TENM4: variants seen among roughly 807,000 people sequenced by gnomAD.
TENM4 encodes teneurin-4.
TENM4 carries 82 observed loss-of-function variants against 243.3 expected under a neutral mutation model. The ratio of observed to expected loss-of-function variants is 0.34; its 90% CI spans 0.28 to 0.40. The LOEUF (loss-of-function observed/expected upper bound fraction) is 0.40. Among genes scored for constraint, TENM4 ranks in the 10% least tolerant of loss-of-function variants. The pLI is 1.00. For synonymous variants in TENM4, 1,412 were observed against 1,456.3 expected (o/e 0.97, Z 0.69); for missense variants, 3,138 against 3,673.3 (o/e 0.85, Z 3.77).
At position 79,139,691 on chromosome 11, in the gene TENM4, A is replaced by T. The variant is rs190592421; in HGVS notation, c.-66+9019T>A. 5.1e-4 allele frequency among the ~76,000 whole-genome samples: 35 copies of T among 68,928 alleles called. 3 individuals are homozygous for T. The highest frequency in any genetic ancestry group is 1.2e-3 in the African/African-American group (18 of 14,644). 45.2% of individuals were successfully genotyped at this position (68,928 alleles called of 152,430 possible). On this transcript the variant is annotated intron_variant, in intron 4 of 33. Coordinates refer to ENST00000278550, the MANE Select transcript of TENM4 (RefSeq NM_001098816.3). ...ATATATATTTTATATAAGTATATAA[A>T]ATATATATAATATTTATATAAGTAT...
chr11:78,698,664 T>C (rs908375070), intron 28 of TENM4, among the ~76,000 whole-genome samples: 2 of 152,188 alleles, frequency 1.3e-5, no homozygotes, highest in African/African-American at 4.8e-5. Flanking sequence ...GACAGCCTCA[T>C]AGTTTGCAAA....
At chr11:78,828,660 A>G (rs1481602205) in intron 12 of TENM4, among the ~76,000 whole-genome samples, 1 of 152,262 alleles carries the variant, frequency 6.6e-6, no homozygotes, top group Non-Finnish European at 1.5e-5. Context: ...ATTAGAGATC[A>G]TGGTAATGTA....
Position 79,053,942 on chromosome 11 carries a change from T to C in TENM4, c.493+10796A>G, listed in dbSNP as rs561654566. 9.2e-5 allele frequency among the ~76,000 whole-genome samples: 14 copies of C among 152,322 alleles called. 1 individual carries two copies. Among genetic ancestry groups the C allele is most frequent in the South Asian group, 4.1e-4 (2 of 4,822 alleles). On this transcript the variant is annotated intron_variant, in intron 6 of 33. Transcript: ENST00000278550. ...AAATTAAATTTGTGGTAAGGATCTATGGGTTGGAAGAAGCCAGATTTCTCT... is the reference window on the plus strand; with the variant it reads ...AAATTAAATTTGTGGTAAGGATCTACGGGTTGGAAGAAGCCAGATTTCTCT...
chr11:79,129,326 A>C (rs1277445548), intron 4 of TENM4, among the ~76,000 whole-genome samples: 1 of 152,104 alleles, frequency 6.6e-6, no homozygotes. Context: ...GGAGAAGGAA[A>C]TCTCCAGCTG....
intron 3 of TENM4, among the ~76,000 whole-genome samples, chr11:79,175,411 T>C (rs1863141357): frequency 6.6e-6 from 1 of 152,094 alleles, no homozygotes; most frequent in Admixed American, 6.5e-5. Context: ...TAGTATTGAA[T>C]AGAAGAATAA....
chr11:79,201,476 C>T (rs139440408), intron 3 of TENM4, among the ~76,000 whole-genome samples: 32 of 139,082 alleles, frequency 2.3e-4, no homozygotes, highest in African/African-American at 6.5e-4. Context: ...TTCAGAGTGG[C>T]GAAGGTCAAA....
chr11:79,120,432 G>A (rs1375563878), intron 4 of TENM4, among the ~76,000 whole-genome samples: 1 of 152,194 alleles, frequency 6.6e-6, no homozygotes, highest in African/African-American at 2.4e-5. Context: ...CACTAACTTA[G>A]TGCCCACCAT....
intron 1 of TENM4, among the ~76,000 whole-genome samples, chr11:79,394,335 A>C (rs1163285194): frequency 6.6e-6 from 1 of 152,148 alleles, no homozygotes; most frequent in African/African-American, 2.4e-5. Context: ...AGCAGCTCCC[A>C]AGGTCAGAAG....
At chr11:78,958,235 A>C (rs1857248136) in intron 6 of TENM4, among the ~76,000 whole-genome samples, 1 of 152,244 alleles carries the variant, frequency 6.6e-6, no homozygotes, top group Non-Finnish European at 1.5e-5. Flanking sequence ...TGAGAAACTG[A>C]CACATCTCTC....
In TENM4 at chr11:79,437,672, C is replaced by T. The variant is rs552064825; in HGVS notation, c.-321+2837G>A. On this transcript the variant is annotated intron_variant, in intron 1 of 33. Transcript: ENST00000278550. The stretch of plus-strand genomic sequence containing the variant: ...GGAGGCCGGCGGGGGAGGCGGGCCA[C>T]GAGGGGCTGGGGCGAGGGAGCTGGG... Among the ~76,000 whole-genome samples, 288 of 152,274 alleles carry T rather than the reference C, an allele frequency of 1.9e-3. 1 individual carries two copies. The highest frequency in any genetic ancestry group is 6.4e-3 in the African/African-American group (268 of 41,574).
chr11:78,835,277 G>T (rs1858077502), intron 12 of TENM4, among the ~76,000 whole-genome samples: 5 of 152,164 alleles, frequency 3.3e-5, no homozygotes. Context: ...AGAGGCCGAG[G>T]TGGACAGATC....
At chr11:78,914,132 T>A (rs1422245356) in intron 6 of TENM4, among the ~76,000 whole-genome samples, 1 of 152,214 alleles carries the variant, frequency 6.6e-6, no homozygotes, top group East Asian at 1.9e-4. Flanking sequence ...TTCCCAGCCT[T>A]GCCTTTAACT....
chr11:79,363,371 TA>T (rs1037040720), intron 1 of TENM4, among the ~76,000 whole-genome samples: 2 of 152,096 alleles, frequency 1.3e-5, no homozygotes, highest in South Asian at 2.1e-4. Context: ...AACCGGAATG[TA>T]AAAAAATGTG....
intron 3 of TENM4, among the ~76,000 whole-genome samples, chr11:79,186,970 G>T (rs913909677): frequency 1.3e-5 from 2 of 152,136 alleles, no homozygotes; most frequent in Non-Finnish European, 2.9e-5. Context: ...TGATATTATA[G>T]AAAAGGTTTT....
At chr11:79,132,811 C>A (rs967369804) in intron 4 of TENM4, among the ~76,000 whole-genome samples, 5 of 152,070 alleles carry the variant, frequency 3.3e-5, no homozygotes, top group Non-Finnish European at 5.9e-5. Context: ...ACAATAATGA[C>A]ACAACCTATC....
At chr11:79,409,564 C>T (rs78986379) in intron 1 of TENM4, among the ~76,000 whole-genome samples, 3,136 of 152,096 alleles carry the variant, frequency 0.021, 128 homozygotes, top group African/African-American at 0.071. Flanking sequence ...GAAGAATAGC[C>T]CCCCCGGAAC....
chr11:79,327,508 G>T (rs1856992930), intron 1 of TENM4, among the ~76,000 whole-genome samples: 1 of 152,152 alleles, frequency 6.6e-6, no homozygotes, highest in African/African-American at 2.4e-5. Flanking sequence ...CAATCTTAAA[G>T]TTCATAGTGA....
intron 28 of TENM4, 103 bp downstream of exon 28, chr11:78,701,423 A>G: frequency 7.3e-7 from 1 of 1,376,296 alleles, no homozygotes; most frequent in Non-Finnish European, 9.7e-7. Flanking sequence ...AATAGTTTTT[A>G]TCCCAAATCC....
intron 1 of TENM4, among the ~76,000 whole-genome samples, chr11:79,354,784 G>A (rs942384970): frequency 4.6e-5 from 7 of 151,928 alleles, no homozygotes; most frequent in Admixed American, 4.6e-4. Flanking sequence ...CATATGCAAA[G>A]AAGCCCCAAA....
Sources: gnomAD v4.1 joint callset for allele counts (sites outside exome capture counted in the v4.1 genomes callset) on GRCh38, gnomAD v4.1.1 for gene constraint, MANE v1.5 for transcripts, NCBI Gene and HGNC (gene_info 2026-07-23, HGNC 2026-07-21) for gene names.